The following MAP2K5 variants were observed in gnomAD, a reference collection of about 807,000 sequenced individuals.
MAP2K5 encodes dual specificity mitogen-activated protein kinase kinase 5.
A neutral mutation model predicts 83.1 loss-of-function variants in MAP2K5; 49 were observed. The ratio of observed to expected loss-of-function variants is 0.59; its 90% CI spans 0.47 to 0.75. The LOEUF (loss-of-function observed/expected upper bound fraction) is 0.75, where lower values mean the gene tolerates loss of function less well. Ranked by LOEUF, MAP2K5 falls within the 30% of genes least tolerant of loss-of-function variation. The pLI is 0.00. For synonymous variants in MAP2K5, 202 were observed against 191.8 expected, an observed-to-expected ratio of 1.05 and a Z score of -0.44; for missense variants, 457 against 557.5, an observed-to-expected ratio of 0.82 and a Z score of 1.82.
At chr15:67,756,676 G>A (rs960157173) in intron 19 of MAP2K5, among the ~76,000 whole-genome samples, 5 of 151,718 alleles carry the variant, frequency 3.3e-5, no homozygotes, top group Middle Eastern at 3.4e-3. Context: ...CCCCTTTGAC[G>A]AACACCTCCT....
chr15:67,631,169 TTC>T (rs1288588125), intron 9 of MAP2K5, among the ~76,000 whole-genome samples: 2 of 152,206 alleles, frequency 1.3e-5, no homozygotes, highest in African/African-American at 4.8e-5. Context: ...GAAAATTTCT[TTC>T]TGTGTCCCCT....
At chr15:67,797,182 A>G (rs763064646) in intron 21 of MAP2K5, among the ~76,000 whole-genome samples, 1 of 152,244 alleles carries the variant, frequency 6.6e-6, no homozygotes, top group Non-Finnish European at 1.5e-5. Flanking sequence ...ATGTTATCAC[A>G]GTCCAGAATT....
At chr15:67,566,811 T>G (rs1256707415) in intron 3 of MAP2K5, among the ~76,000 whole-genome samples, 1 of 152,242 alleles carries the variant, frequency 6.6e-6, no homozygotes, top group Admixed American at 6.5e-5. Flanking sequence ...GCCTTTTTAA[T>G]TGAAAACTTA....
At chr15:67,581,111 A>G (rs2085172068) in intron 4 of MAP2K5, among the ~76,000 whole-genome samples, 1 of 152,210 alleles carries the variant, frequency 6.6e-6, no homozygotes, top group African/African-American at 2.4e-5. Context: ...TTTCTAAAGC[A>G]AGGCAAATGA....
Position 67,543,595 on chromosome 15 carries a change from TTTTA to T in MAP2K5, c.135+128_135+131del. ...TACTGCTGGCTTCCTGTGGAGGCAG[TTTTA>T]TTGCTTCAGGCACAGCATTGATAAA... On this transcript the variant is annotated intron_variant, in intron 1 of 21. Transcript: ENST00000178640. This position sits in a 1 kb window ranked among gnomAD's most constrained non-coding sequence, Gnocchi z 4.3. The T allele has an allele frequency of 9.4e-7, 1 of 1,066,688 alleles. No homozygotes were observed. The highest frequency in any genetic ancestry group is 1.4e-6 in the Non-Finnish European group (1 of 725,074). The allele number at this position is 1,066,688 out of a possible 1,614,324, so 66.1% of individuals were successfully genotyped here. A position where few individuals can be genotyped will look rare whatever the true frequency, so the allele number is the denominator to read the frequency against.
In MAP2K5 at chr15:67,692,563, T is replaced by A; in HGVS notation, c.921+11T>A. ...GGAGTTAGCACTCAGGTATGTCTCT[T>A]TTCCTCCCAGTGTACTGTTTTCTCT... On this transcript the variant is annotated intron_variant, in intron 14 of 21. Coordinates refer to ENST00000178640, the MANE Select transcript of MAP2K5 (RefSeq NM_145160.3). The A allele has an allele frequency of 1.2e-6, 2 of 1,605,748 alleles. No individual in the cohort carries two copies. Among genetic ancestry groups the A allele is most frequent in the Non-Finnish European group, 1.7e-6 (2 of 1,172,758 alleles).
At position 67,717,518 on chromosome 15, in the gene MAP2K5, A is replaced by T. The variant is rs1196072789; in HGVS notation, c.1045-10398A>T. On this transcript the variant is annotated intron_variant, in intron 16 of 21. Transcript: ENST00000178640. This position sits in a 1 kb window ranked among gnomAD's most constrained non-coding sequence, Gnocchi z 4.1. ...ACTGGGCACATGAGAGTGTGGGCTG[A>T]CATGAGTGTCAGAGAAAGCATTTCA... Among the ~76,000 whole-genome samples, 2 of 152,204 alleles carry T rather than the reference A, an allele frequency of 1.3e-5. No homozygotes were observed. Among genetic ancestry groups the T allele is most frequent in the Admixed American group, 6.5e-5 (1 of 15,284 alleles).
At chr15:67,727,186 C>G (rs1219872689) in intron 16 of MAP2K5, among the ~76,000 whole-genome samples, 2 of 152,170 alleles carry the variant, frequency 1.3e-5, no homozygotes, top group Admixed American at 1.3e-4. Flanking sequence ...GGTGACAGAG[C>G]AAGACTCTGG....
Position 67,746,857 on chromosome 15 carries a change from A to G in MAP2K5, c.1075-1374A>G, listed in dbSNP as rs2089615555. On this transcript the variant is annotated intron_variant, in intron 17 of 21. Transcript: ENST00000178640. The surrounding 1 kb of genome is among the most constrained non-coding windows in gnomAD (Gnocchi z 4.1). ...TTTTTAAAACACTCAGGCAGTAGGA[A>G]GAAGGGTGTGCTGATCAGCCACATG... Among the ~76,000 whole-genome samples the G allele has an allele frequency of 6.6e-6, 1 of 152,252 alleles. No homozygotes were observed. The highest frequency in any genetic ancestry group is 2.4e-5 in the African/African-American group (1 of 41,460).
chr15:67,547,826 G>A (rs1054887065), intron 1 of MAP2K5, among the ~76,000 whole-genome samples: 18 of 152,176 alleles, frequency 1.2e-4, no homozygotes, highest in Non-Finnish European at 5.9e-5. Flanking sequence ...GAAGAAGGCC[G>A]CTTGGAAATA....
chr15:67,692,465 TG>T lies in MAP2K5; in HGVS notation c.848-12del. On this transcript the variant is annotated splice_polypyrimidine_tract_variant and intron_variant, in intron 13 of 21. Coordinates refer to ENST00000178640, the MANE Select transcript of MAP2K5 (RefSeq NM_145160.3). ...ATGGAATTAGTTACATGGCCTTTTCTGGTCCCTTTTTAGACGTGAAGCCCTC... is the reference window on the plus strand; with the variant it reads ...ATGGAATTAGTTACATGGCCTTTTCTGTCCCTTTTTAGACGTGAAGCCCTC... 1 of 1,607,344 alleles carries T rather than the reference TG, an allele frequency of 6.2e-7. No individual in the cohort carries two copies. Among genetic ancestry groups the T allele is most frequent in the Non-Finnish European group, 8.5e-7 (1 of 1,173,914 alleles).
intron 21 of MAP2K5, among the ~76,000 whole-genome samples, chr15:67,799,864 G>A (rs1002732210): frequency 1.3e-5 from 2 of 152,176 alleles, no homozygotes; most frequent in Non-Finnish European, 2.9e-5. Flanking sequence ...TTTTATAGGC[G>A]AGGCCCTAGT....
At chr15:67,576,959 C>T (rs542006758) in intron 3 of MAP2K5, among the ~76,000 whole-genome samples, 4 of 138,318 alleles carry the variant, frequency 2.9e-5, no homozygotes, top group Non-Finnish European at 4.7e-5. Flanking sequence ...GACGGAGTCT[C>T]GCTCTGTCGC....
intron 8 of MAP2K5, among the ~76,000 whole-genome samples, chr15:67,629,889 T>G (rs1006317052): frequency 6.6e-6 from 1 of 152,222 alleles, no homozygotes; most frequent in Non-Finnish European, 1.5e-5. Flanking sequence ...TGCAGATTGC[T>G]TCTAAATAAT....
chr15:67,632,302 G>C (rs1396820772), intron 9 of MAP2K5, among the ~76,000 whole-genome samples: 1 of 152,012 alleles, frequency 6.6e-6, no homozygotes, highest in African/African-American at 2.4e-5. Context: ...GTTTCACTAT[G>C]TTTCCCAAGC....
chr15:67,557,963 G>T (rs1189495095), intron 2 of MAP2K5, among the ~76,000 whole-genome samples: 2 of 152,228 alleles, frequency 1.3e-5, no homozygotes, highest in Non-Finnish European at 2.9e-5. Flanking sequence ...TATTTAACAT[G>T]TAAGAGTTAA....
chr15:67,742,065 T>C (rs1461281650), intron 17 of MAP2K5, among the ~76,000 whole-genome samples: 2 of 152,044 alleles, frequency 1.3e-5, no homozygotes, highest in Non-Finnish European at 2.9e-5. Flanking sequence ...CGGCTAATTT[T>C]TTGTATCTTT....
chr15:67,770,026 ACC>A lies in MAP2K5; in HGVS notation c.1196+365_1196+366del, dbSNP rs1043470064. ...ATTTTTATTAATGTAACCTCAAGTTACCCATAAAACTGTCTTGTCACTTAGTG... is the reference window on the plus strand; with the variant it reads ...ATTTTTATTAATGTAACCTCAAGTTACATAAAACTGTCTTGTCACTTAGTG... On this transcript the variant is annotated intron_variant, in intron 20 of 21. Transcript: ENST00000178640. The surrounding 1 kb of genome is among the most constrained non-coding windows in gnomAD (Gnocchi z 5.0). 29 of 166,020 alleles carry A rather than the reference ACC, an allele frequency of 1.7e-4. No homozygotes were observed. Among genetic ancestry groups the A allele is most frequent in the African/African-American group, 6.2e-4 (26 of 41,634 alleles). 10.3% of individuals were successfully genotyped at this position (166,020 alleles called of 1,614,324 possible). A position where few individuals can be genotyped will look rare whatever the true frequency, so the allele number is the denominator to read the frequency against.
intron 14 of MAP2K5, 87 bp downstream of exon 14, chr15:67,692,639 T>G: frequency 2.0e-6 from 2 of 985,514 alleles, no homozygotes; most frequent in Middle Eastern, 2.1e-4. Flanking sequence ...AAAAATCACC[T>G]AGCTGCCAGA....
Sources: gnomAD v4.1 joint callset for allele counts (sites outside exome capture counted in the v4.1 genomes callset) on GRCh38, gnomAD v4.1.1 for gene constraint, Gnocchi (gnomAD v3.1) non-coding constraint, MANE v1.5 for transcripts, NCBI Gene and HGNC (gene_info 2026-07-23, HGNC 2026-07-21) for gene names.